LRFN2: variants seen among roughly 807,000 people sequenced by gnomAD.
LRFN2 encodes the protein leucine-rich repeat and fibronectin type-III domain-containing protein 2.
Under a neutral mutation model 37.3 loss-of-function variants are expected in LRFN2, and 18 were observed. The ratio of observed to expected loss-of-function variants is 0.48; its 90% CI spans 0.33 to 0.72. LRFN2 has a LOEUF of 0.72. Ranked by LOEUF, LRFN2 falls within the 30% of genes least tolerant of loss-of-function variation. LRFN2 has a pLI of 0.02. For missense variants in LRFN2, 1,006 were observed against 1,060.7 expected, an observed-to-expected ratio of 0.95 and a Z score of 0.72; for synonymous variants, 556 against 466.6, an observed-to-expected ratio of 1.19 and a Z score of -2.47.
At chr6:40,461,961 T>C (rs1184461351) in intron 1 of LRFN2, among the ~76,000 whole-genome samples, 2 of 152,228 alleles carry the variant, frequency 1.3e-5, no homozygotes, top group Admixed American at 6.5e-5. Flanking sequence ...GCTCATTTTT[T>C]ATTAGCTTAG....
intron 1 of LRFN2, among the ~76,000 whole-genome samples, chr6:40,498,919 G>C (rs528945768): frequency 1.3e-5 from 2 of 152,304 alleles, no homozygotes; most frequent in South Asian, 4.1e-4. Context: ...CTTGGGACTA[G>C]AGATATATCA....
At chr6:40,502,267 AGAT>A (rs1236790554) in intron 1 of LRFN2, 1 of 152,210 alleles carries the variant, frequency 6.6e-6, no homozygotes, top group East Asian at 1.9e-4. Context: ...TAGAGCCTTC[AGAT>A]GTGTGCGCCC....
At chr6:40,488,542 C>A (rs1765018091) in intron 1 of LRFN2, among the ~76,000 whole-genome samples, 1 of 152,094 alleles carries the variant, frequency 6.6e-6, no homozygotes, top group African/African-American at 2.4e-5. Context: ...CAACTCTCCA[C>A]CTGTCCCCAC....
In LRFN2 at chr6:40,432,606, G is replaced by A. The variant is rs765413886; in HGVS notation, c.508C>T (p.Arg170Ter). Reference protein sequence around the residue: ...NLHGLPWDSVRRMVNLHQLSL... With the variant: ...NLHGLPWDSV ...AGCTGGTGGAGGTTGACCATGCGTC[G>A]CACGGAGTCCCACGGCAGGCCATGG... is the stretch of plus-strand genomic sequence containing the variant. The change falls in exon 2 of 3, where the codon CGA becomes TGA. Residue 170 changes from arginine to a stop codon, truncating the protein, a stop_gained. Coordinates refer to ENST00000338305, the MANE Select transcript of LRFN2 (RefSeq NM_020737.3). LOFTEE classifies it high-confidence loss of function. 6.8e-6 allele frequency: 11 copies of A among 1,614,196 alleles called. No homozygotes were observed. Among genetic ancestry groups the A allele is most frequent in the African/African-American group, 1.3e-5 (1 of 75,062 alleles).
At chr6:40,422,773 C>T (rs560231278) in intron 2 of LRFN2, among the ~76,000 whole-genome samples, 94 of 152,276 alleles carry the variant, frequency 6.2e-4, no homozygotes, top group South Asian at 2.5e-3. Context: ...ATGGAATAAA[C>T]GATATCCTCA....
At chr6:40,533,151 T>C (rs1455012769) in intron 1 of LRFN2, among the ~76,000 whole-genome samples, 1 of 151,414 alleles carries the variant, frequency 6.6e-6, no homozygotes, top group African/African-American at 2.4e-5. Flanking sequence ...TCTATGTCTC[T>C]GCCTCTGTCT....
chr6:40,392,546 G>C lies in LRFN2; in HGVS notation c.1767C>G (p.Ser589Arg), dbSNP rs779376587. ...CCTGCGGCGGGGCCCCGGCTGGTGC[G>C]CTGCTTGGAGGCGGTGGCTGGGCGC... ...TNGAQPPPPS[S>R]APAGAPPQGP... The change falls in exon 3 of 3, where the codon AGC becomes AGG. Residue 589 changes from serine (S) to arginine (R), a missense_variant. By Grantham distance (110) the Ser-to-Arg change is moderately radical (BLOSUM62 -1). Around this residue, in one of 4 missense-constraint regions of LRFN2, gnomAD observed 398 missense variants for 327.6 expected, o/e 1.21. Coordinates refer to ENST00000338305, the MANE Select transcript of LRFN2 (RefSeq NM_020737.3). This position sits in a 1 kb window ranked among gnomAD's most constrained non-coding sequence, Gnocchi z 4.7. The C allele has an allele frequency of 6.3e-6, 10 of 1,586,264 alleles. No individual in the cohort carries two copies. The African/African-American group carries it at 1.1e-4, about 17-fold the overall frequency.
intron 1 of LRFN2, among the ~76,000 whole-genome samples, chr6:40,577,820 A>AAT (rs748087865): frequency 0.44 from 61,562 of 141,194 alleles, 13,447 homozygotes; most frequent in Middle Eastern, 0.54. Context: ...AAAATTAAAA[A>AAT]AAATAAAAAT....
At chr6:40,543,885 C>G (rs12198476) in intron 1 of LRFN2, among the ~76,000 whole-genome samples, 68,752 of 152,106 alleles carry the variant, frequency 0.45, 16,572 homozygotes, top group African/African-American at 0.62. Flanking sequence ...CAAATGCCTG[C>G]AGCCAGGTTC....
chr6:40,442,578 A>G (rs569544761), intron 1 of LRFN2, among the ~76,000 whole-genome samples: 1 of 151,832 alleles, frequency 6.6e-6, no homozygotes, highest in African/African-American at 2.4e-5. Context: ...GTCTCCCCTC[A>G]GACTGGGGCT....
rs192175661 is a variant in LRFN2 at position 40,574,517 on chromosome 6, G to A, written c.-19+12424C>T. Among the ~76,000 whole-genome samples, 721 of 152,304 alleles carry A rather than the reference G, an allele frequency of 4.7e-3. 3 individuals are homozygous for A. The highest frequency in any genetic ancestry group is 0.016 in the African/African-American group (681 of 41,556). On this transcript the variant is annotated intron_variant, in intron 1 of 2. Transcript: ENST00000338305. Reference sequence around the variant, plus strand: ...ATGCTCCCAGTTTGTGTCCATCACGGGGTGGGGGGTGGCGGGGAGTGCTGG... The same window carrying A: ...ATGCTCCCAGTTTGTGTCCATCACGAGGTGGGGGGTGGCGGGGAGTGCTGG...
At chr6:40,567,913 C>T (rs964672787) in intron 1 of LRFN2, among the ~76,000 whole-genome samples, 8 of 152,200 alleles carry the variant, frequency 5.3e-5, no homozygotes, top group African/African-American at 1.9e-4. Context: ...AAACCCACAA[C>T]TGCCATCACA....
chr6:40,528,747 T>A (rs1308105345), intron 1 of LRFN2, among the ~76,000 whole-genome samples: 1 of 152,188 alleles, frequency 6.6e-6, no homozygotes, highest in Non-Finnish European at 1.5e-5. Context: ...AAGTCAGAAA[T>A]CCTAAGTTGA....
intron 1 of LRFN2, among the ~76,000 whole-genome samples, chr6:40,481,439 CA>C (rs11384253): frequency 0.059 from 7,061 of 119,240 alleles, 260 homozygotes; most frequent in East Asian, 0.13. Context: ...AAGATTGTCT[CA>C]AAAAAAAAAA....
rs79607448 is a variant in LRFN2, at chr6:40,509,784, G to T, written c.-18-76653C>A. Among the ~76,000 whole-genome samples, 715 of 151,846 alleles carry T rather than the reference G, an allele frequency of 4.7e-3. 6 individuals are homozygous for T. The highest frequency in any genetic ancestry group is 0.017 in the African/African-American group (692 of 41,398). On this transcript the variant is annotated intron_variant, in intron 1 of 2. Transcript: ENST00000338305. ...GAACACAGGACTGTGCAGGCAGTGG[G>T]GTGGGGGTGCATGCGTGCCAGTATG...
At chr6:40,456,941 G>C (rs9471347) in intron 1 of LRFN2, among the ~76,000 whole-genome samples, 127,515 of 152,058 alleles carry the variant, frequency 0.84, 53,715 homozygotes, top group Middle Eastern at 0.9. Flanking sequence ...ATGCTTTTCT[G>C]TAACCAGGAA....
chr6:40,485,200 G>A (rs1764925457), intron 1 of LRFN2, among the ~76,000 whole-genome samples: 1 of 152,178 alleles, frequency 6.6e-6, no homozygotes, highest in South Asian at 2.1e-4. Context: ...GACATAGAAG[G>A]ATGGACAAGA....
intron 1 of LRFN2, among the ~76,000 whole-genome samples, chr6:40,455,013 T>C (rs1443769754): frequency 6.6e-6 from 1 of 152,222 alleles, no homozygotes; most frequent in Non-Finnish European, 1.5e-5. Context: ...ATCTAGGACA[T>C]AAAAAAGACG....
At chr6:40,529,785 C>T (rs769311672) in intron 1 of LRFN2, among the ~76,000 whole-genome samples, 2 of 152,206 alleles carry the variant, frequency 1.3e-5, no homozygotes, top group Admixed American at 6.5e-5. Context: ...GTCATAATTG[C>T]ATAACCCCCA....
Sources: allele counts gnomAD v4.1 joint callset (sites outside exome capture counted in the v4.1 genomes callset), GRCh38; gene constraint gnomAD v4.1.1; regional missense constraint gnomAD v4.1.1; non-coding constraint Gnocchi (gnomAD v3.1); transcripts MANE v1.5; gene names NCBI Gene and HGNC (gene_info 2026-07-23, HGNC 2026-07-21).